Variants in RNF150 observed in about 807,000 individuals in gnomAD.
RNF150 encodes ring finger protein 150.
In RNF150, 24 loss-of-function variants were observed where a neutral mutation model predicts 39.3. The ratio of observed to expected loss-of-function variants is 0.61; its 90% CI spans 0.44 to 0.86. RNF150 has a LOEUF of 0.86. Among genes scored for constraint, RNF150 ranks in the 40% least tolerant of loss-of-function variants. The pLI is 0.00. For missense variants in RNF150, 502 were observed against 587.8 expected (o/e 0.85, Z 1.51); for synonymous variants, 255 against 227.3 (o/e 1.12, Z -1.10).
chr4:141,138,500 G>A (rs971112795), intron 1 of RNF150, among the ~76,000 whole-genome samples: 1 of 152,098 alleles, frequency 6.6e-6, no homozygotes, highest in Admixed American at 6.6e-5. Flanking sequence ...ATTACTTTAT[G>A]TGTAAAGGCT....
chr4:141,175,838 T>C (rs1218957324), intron 1 of RNF150, among the ~76,000 whole-genome samples: 1 of 152,176 alleles, frequency 6.6e-6, no homozygotes, highest in Non-Finnish European at 1.5e-5. Context: ...TTTTGTTGTA[T>C]ACTCTTGTGA....
chr4:141,016,572 T>C (rs1463743952), intron 1 of RNF150, among the ~76,000 whole-genome samples: 1 of 152,230 alleles, frequency 6.6e-6, no homozygotes. Context: ...ATAAAGCTGT[T>C]TTCCTCTACA....
At chr4:141,107,854 T>C (rs1212125875) in intron 1 of RNF150, among the ~76,000 whole-genome samples, 1 of 151,780 alleles carries the variant, frequency 6.6e-6, no homozygotes, top group South Asian at 2.1e-4. Flanking sequence ...AATATATATA[T>C]AGTTTCATTG....
At chr4:141,157,702 A>C (rs1322173414) in intron 1 of RNF150, among the ~76,000 whole-genome samples, 2 of 152,168 alleles carry the variant, frequency 1.3e-5, no homozygotes, top group Non-Finnish European at 2.9e-5. Flanking sequence ...AACTCTAAGG[A>C]AGTTTACACG....
In RNF150 at chr4:141,184,867, C is replaced by CTGTG. The variant is rs61134992; in HGVS notation, c.-6+27923_-6+27926dup. On this transcript the variant is annotated intron_variant, in intron 1 of 7. Coordinates refer to the RNF150 transcript ENST00000420921. ...TGTTTTGTTCCATTGGTCTATATAT[C>CTGTG]TGTGTGTGTGTGTGTGTGTGTGTGT... Among the ~76,000 whole-genome samples, 598 of 147,786 alleles carry CTGTG rather than the reference C, an allele frequency of 4.0e-3. 3 individuals carry two copies. Among genetic ancestry groups the CTGTG allele is most frequent in the African/African-American group, 9.4e-3 (379 of 40,116 alleles).
intron 1 of RNF150, among the ~76,000 whole-genome samples, chr4:141,187,264 C>T (rs1353269961): frequency 1.3e-5 from 2 of 152,162 alleles, no homozygotes; most frequent in East Asian, 1.9e-4. Context: ...GAGGGTTTTA[C>T]TTCCAATTAT....
Position 140,863,768 on chromosome 4 carries a change from A to C in RNF150, c.*4493T>G, listed in dbSNP as rs1007722632. 8 of 152,372 alleles carry C rather than the reference A, an allele frequency of 5.3e-5. No homozygotes were observed. The highest frequency in any genetic ancestry group is 1.9e-4 in the African/African-American group (8 of 41,590). 9.4% of individuals were successfully genotyped at this position (152,372 alleles called of 1,614,324 possible). On this transcript the variant is annotated 3_prime_UTR_variant, in exon 7 of 7. Coordinates refer to ENST00000515673, the MANE Select transcript of RNF150 (RefSeq NM_020724.2). ...CTCTGTGGCCTTAGTACCAGAAAAG[A>C]CTGGGCTCTCGCTCCACAGAGGGAG...
chr4:141,028,488 GT>G (rs2110815088), intron 1 of RNF150, among the ~76,000 whole-genome samples: 1 of 152,222 alleles, frequency 6.6e-6, no homozygotes, highest in East Asian at 1.9e-4. Flanking sequence ...TGCCATAATC[GT>G]TATAGGCAGT....
At chr4:140,903,664 G>T in intron 6 of RNF150, among the ~76,000 whole-genome samples, 1 of 152,174 alleles carries the variant, frequency 6.6e-6, no homozygotes, top group Admixed American at 6.5e-5. Flanking sequence ...TCAAAAGCAA[G>T]ATATCATTGT....
At chr4:141,011,764 A>C (rs73849459) in intron 1 of RNF150, among the ~76,000 whole-genome samples, 11,553 of 152,288 alleles carry the variant, frequency 0.076, 495 homozygotes, top group Middle Eastern at 0.16. Flanking sequence ...TCAAATTTCT[A>C]AGTCATCACA....
At position 141,071,310 on chromosome 4, in the gene RNF150, C is replaced by T. The variant is rs369768659; in HGVS notation, c.484+61015G>A. On this transcript the variant is annotated intron_variant, in intron 1 of 6. Transcript: ENST00000515673. Reference sequence around the variant, plus strand: ...TGACGAGTTGGTGGGTGCAGCGCACCGGCATGGCACATGTATACATATGTA... The same window carrying T: ...TGACGAGTTGGTGGGTGCAGCGCACTGGCATGGCACATGTATACATATGTA... Among the ~76,000 whole-genome samples the T allele has an allele frequency of 1.2e-4, 18 of 150,416 alleles. No individual in the cohort carries two copies. In the East Asian group the frequency reaches 2.5e-3, roughly 21 times the overall value.
chr4:141,037,684 C>T (rs910341990), intron 1 of RNF150, among the ~76,000 whole-genome samples: 1 of 152,092 alleles, frequency 6.6e-6, no homozygotes, highest in African/African-American at 2.4e-5. Flanking sequence ...AGCTAAAAAG[C>T]TTGATGCCAA....
chr4:141,137,432 G>A (rs1727044095), upstream of RNF150, among the ~76,000 whole-genome samples: 1 of 152,220 alleles, frequency 6.6e-6, no homozygotes, highest in South Asian at 2.1e-4. Context: ...AATATGTTTT[G>A]AAGGTGGGAT....
intron 2 of RNF150, among the ~76,000 whole-genome samples, chr4:140,951,532 G>T (rs1297842803): frequency 1.1e-4 from 15 of 138,992 alleles, no homozygotes; most frequent in South Asian, 2.4e-4. Flanking sequence ...GCCAAGAGTG[G>T]TTTTTTGTTG....
intron 1 of RNF150, among the ~76,000 whole-genome samples, chr4:141,107,938 T>G (rs1374331268): frequency 2.0e-5 from 3 of 152,236 alleles, no homozygotes; most frequent in Non-Finnish European, 4.4e-5. Context: ...TCATATCTTT[T>G]GGTTGTCCTT....
intron 1 of RNF150, among the ~76,000 whole-genome samples, chr4:141,072,012 A>T (rs1473923723): frequency 1.3e-5 from 2 of 152,154 alleles, no homozygotes; most frequent in Non-Finnish European, 2.9e-5. Flanking sequence ...CACCCTGGAA[A>T]CTTGTTAAAA....
At chr4:141,028,399 A>G (rs1235085883) in intron 1 of RNF150, among the ~76,000 whole-genome samples, 1 of 152,164 alleles carries the variant, frequency 6.6e-6, no homozygotes. Flanking sequence ...TCATTTAACT[A>G]GAGTGCCTAC....
At chr4:141,088,238 G>A (rs11100704) in intron 1 of RNF150, among the ~76,000 whole-genome samples, 56,327 of 151,974 alleles carry the variant, frequency 0.37, 12,448 homozygotes, top group Non-Finnish European at 0.48. Context: ...TCCCACTCTC[G>A]GCCCCCCGGC....
chr4:141,191,723 C>T (rs944593517), intron 1 of RNF150, among the ~76,000 whole-genome samples: 1 of 152,214 alleles, frequency 6.6e-6, no homozygotes, highest in Non-Finnish European at 1.5e-5. Flanking sequence ...ATCTATCTAT[C>T]TGCACACACA....
Sources: allele counts gnomAD v4.1 joint callset (sites outside exome capture counted in the v4.1 genomes callset), GRCh38; gene constraint gnomAD v4.1.1; transcripts MANE v1.5; gene names NCBI Gene and HGNC (gene_info 2026-07-23, HGNC 2026-07-21).